Variants in PRPF6 observed in about 807,000 individuals in gnomAD.
The protein encoded by PRPF6 is pre-mRNA-processing factor 6.
A neutral mutation model predicts 118.3 loss-of-function variants in PRPF6; 42 were observed. That is an observed-to-expected ratio of 0.35 (90% CI 0.28 to 0.46). The LOEUF is 0.46. PRPF6 is among the 20% of genes least tolerant of loss of function. PRPF6 has a pLI of 1.00. For missense variants in PRPF6, 662 were observed against 1,255.7 expected, an observed-to-expected ratio of 0.53 and a Z score of 7.15; for synonymous variants, 481 against 485.1, an observed-to-expected ratio of 0.99 and a Z score of 0.11.
chr20:64,032,281 C>T (rs1200462689), intron 20 of PRPF6, among the ~76,000 whole-genome samples: 1 of 152,246 alleles, frequency 6.6e-6, no homozygotes, highest in African/African-American at 2.4e-5. Context: ...TTGAGGCACC[C>T]TGTCCGTTAG....
intron 3 of PRPF6, among the ~76,000 whole-genome samples, chr20:63,992,659 C>CTT (rs11480797): frequency 1.3e-5 from 2 of 149,702 alleles, no homozygotes; most frequent in Non-Finnish European, 3.0e-5. Context: ...AAAGTAAGAT[C>CTT]TTTTTTTTTT....
intron 7 of PRPF6, 79 bp downstream of exon 7, chr20:63,999,218 T>C: frequency 1.7e-6 from 2 of 1,200,646 alleles, no homozygotes; most frequent in Non-Finnish European, 2.5e-6. Flanking sequence ...ATGGACAGTA[T>C]GCTGTCAAAA....
At chr20:64,024,924 G>C (rs766737024) in intron 14 of PRPF6, among the ~76,000 whole-genome samples, 1 of 152,126 alleles carries the variant, frequency 6.6e-6, no homozygotes, top group African/African-American at 2.4e-5. Flanking sequence ...GTGTGACCAC[G>C]GGTAAATGTT....
intron 1 of PRPF6, 66 bp downstream of exon 1, chr20:63,981,382 G>C (rs1403715198): frequency 2.7e-6 from 4 of 1,466,198 alleles, no homozygotes; most frequent in African/African-American, 1.4e-5. Flanking sequence ...TTTGGGGCGT[G>C]TTTGGGGGCG....
rs148899630 is a variant in PRPF6, at chr20:64,032,957, T to C, written c.2790T>C (p.Leu930=). 8.7e-6 allele frequency: 14 copies of C among 1,613,216 alleles called. No individual in the cohort carries two copies. Among genetic ancestry groups the C allele is most frequent in the African/African-American group, 1.3e-5 (1 of 74,914 alleles). Residue 930 remains leucine, a synonymous_variant, in exon 21 of 21, where the codon CTT becomes CTC. Coordinates refer to ENST00000266079, the MANE Select transcript of PRPF6 (RefSeq NM_012469.4). ...GGCAGAAGAAGATCGGGGACATCCT[T>C]AGGCTGGTGGCCGGCCGCATCAAGA... ...ANWQKKIGDI[L]RLVAGRIKNT...
At chr20:64,032,271 T>C (rs541418639) in intron 20 of PRPF6, among the ~76,000 whole-genome samples, 1 of 152,346 alleles carries the variant, frequency 6.6e-6, no homozygotes, top group East Asian at 1.9e-4. Flanking sequence ...CACCCTGGAA[T>C]TGAGGCACCC....
intron 8 of PRPF6, 115 bp downstream of exon 8, chr20:63,999,874 G>A: frequency 7.6e-7 from 1 of 1,309,704 alleles, no homozygotes; most frequent in South Asian, 1.3e-5. Flanking sequence ...ACAGACAATA[G>A]GGCAGGCTGG....
At chr20:64,002,001 T>C (rs1432424406) in intron 9 of PRPF6, among the ~76,000 whole-genome samples, 3 of 139,670 alleles carry the variant, frequency 2.1e-5, no homozygotes, top group Non-Finnish European at 4.6e-5. Flanking sequence ...TCATTTTTTG[T>C]TTTTTTTTTC....
intron 11 of PRPF6, among the ~76,000 whole-genome samples, chr20:64,013,767 C>T (rs923464392): frequency 1.3e-5 from 2 of 152,128 alleles, no homozygotes; most frequent in Non-Finnish European, 2.9e-5. Context: ...CTATAACTAG[C>T]GTTCTACAGA....
At chr20:63,997,103 A>G (rs904187004) in intron 6 of PRPF6, among the ~76,000 whole-genome samples, 1 of 150,892 alleles carries the variant, frequency 6.6e-6, no homozygotes, top group Non-Finnish European at 1.5e-5. Flanking sequence ...CCAAATTGAA[A>G]CTCCGTACCT....
rs770426386 is a variant in PRPF6 at position 64,024,569 on chromosome 20, C to G, written c.1784C>G (p.Ala595Gly). Residue 595 changes from alanine (A) to glycine (G), a missense_variant, in exon 14 of 21, where the codon GCA becomes GGA. Transcript: ENST00000266079. Reference protein sequence around the residue: ...KNHGTRESLEALLQRAVAHCP... With the variant: ...KNHGTRESLEGLLQRAVAHCP... The stretch of plus-strand genomic sequence containing the variant: ...TTATCTTGCAGGGAGTCCCTGGAAG[C>G]ACTCCTGCAGAGGGCTGTGGCCCAC... 1 of 1,613,528 alleles carries G rather than the reference C, an allele frequency of 6.2e-7. No homozygotes were observed. Among genetic ancestry groups the G allele is most frequent in the Non-Finnish European group, 8.5e-7 (1 of 1,180,012 alleles).
chr20:63,984,294 G>A (rs1389070260), intron 2 of PRPF6, among the ~76,000 whole-genome samples: 2 of 152,014 alleles, frequency 1.3e-5, no homozygotes, highest in African/African-American at 4.8e-5. Flanking sequence ...GGTGGCATGT[G>A]CCTGTAGTCC....
chr20:64,002,094 C>G (rs1410004047), intron 9 of PRPF6, among the ~76,000 whole-genome samples: 2 of 138,024 alleles, frequency 1.4e-5, no homozygotes, highest in Non-Finnish European at 3.0e-5. Context: ...TCTCGGCTCA[C>G]TGCAAGCTCC....
In PRPF6 at chr20:64,027,907, C is replaced by G. The variant is rs1321635745; in HGVS notation, c.2339+171C>G. ...TCACGGTCCCTGCCTTAGGAGAGTTCGGCCTAGGTACTGTGACAGGCCTGT... is the reference window on the plus strand; with the variant it reads ...TCACGGTCCCTGCCTTAGGAGAGTTGGGCCTAGGTACTGTGACAGGCCTGT... On this transcript the variant is annotated intron_variant, in intron 17 of 20. Transcript: ENST00000266079. The surrounding 1 kb of genome is among the most constrained non-coding windows in gnomAD (Gnocchi z 6.5). Among the ~76,000 whole-genome samples, 1 of 152,064 alleles carries G rather than the reference C, an allele frequency of 6.6e-6. No individual in the cohort carries two copies. Among genetic ancestry groups the G allele is most frequent in the Non-Finnish European group, 1.5e-5 (1 of 68,020 alleles).
rs577688360 is a variant in PRPF6 at position 64,028,602 on chromosome 20, G to A, written c.2431+33G>A. ...GGTGCCCCGACTCCGGTAAGGGGGT[G>A]CCCTGACTCCGGTAAGGGGGTGCCT... On this transcript the variant is annotated intron_variant, in intron 18 of 20. Coordinates refer to ENST00000266079, the MANE Select transcript of PRPF6 (RefSeq NM_012469.4). The surrounding 1 kb of genome is among the most constrained non-coding windows in gnomAD (Gnocchi z 6.5). The A allele has an allele frequency of 2.5e-6, 4 of 1,606,064 alleles. No individual in the cohort carries two copies. The highest frequency in any genetic ancestry group is 3.4e-6 in the Non-Finnish European group (4 of 1,177,132).
chr20:64,032,133 C>T lies in PRPF6; in HGVS notation c.2673+89C>T, dbSNP rs569240630. 3.2e-5 allele frequency: 51 copies of T among 1,593,146 alleles called. No homozygotes were observed. In the East Asian group the frequency reaches 4.9e-4, roughly 15 times the overall value. ...CCCTGGGGGCTCTAGGAGGTGGCCA[C>T]GGCCAGCGTGACTCTGCCCGGGGTC... On this transcript the variant is annotated intron_variant, in intron 20 of 20. Coordinates refer to ENST00000266079, the MANE Select transcript of PRPF6 (RefSeq NM_012469.4).
At position 64,032,057 on chromosome 20, in the gene PRPF6, G is replaced by A. The variant is rs572490817; in HGVS notation, c.2673+13G>A. 13 of 1,613,748 alleles carry A rather than the reference G, an allele frequency of 8.1e-6. No individual in the cohort carries two copies. The highest frequency in any genetic ancestry group is 1.7e-5 in the Admixed American group (1 of 60,018). Reference sequence around the variant, plus strand: ...GCATGGCACTGAGGTGAGGCCCCTCGACAGACCGCCGCTCAGTGCCTTCTG... The same window carrying A: ...GCATGGCACTGAGGTGAGGCCCCTCAACAGACCGCCGCTCAGTGCCTTCTG... On this transcript the variant is annotated intron_variant, in intron 20 of 20. Transcript: ENST00000266079.
intron 10 of PRPF6, 124 bp downstream of exon 10, chr20:64,010,442 C>G (rs2059211576): frequency 1.2e-6 from 1 of 845,024 alleles, no homozygotes; most frequent in African/African-American, 1.7e-5. Flanking sequence ...TTTCTGGGAG[C>G]AGAAGGCCCT....
At chr20:63,993,927 T>G (rs951578143) in intron 4 of PRPF6, among the ~76,000 whole-genome samples, 1 of 151,636 alleles carries the variant, frequency 6.6e-6, no homozygotes, top group African/African-American at 2.4e-5. Context: ...TTTTTGTATT[T>G]TTAGTAAAGA....
Sources: allele counts gnomAD v4.1 joint callset (sites outside exome capture counted in the v4.1 genomes callset), GRCh38; gene constraint gnomAD v4.1.1; non-coding constraint Gnocchi (gnomAD v3.1); transcripts MANE v1.5; gene names NCBI Gene and HGNC (gene_info 2026-07-23, HGNC 2026-07-21).